The following SIGLEC6 variants were observed in gnomAD, a reference collection of about 807,000 sequenced individuals.
SIGLEC6 encodes the protein sialic acid binding Ig like lectin 6.
SIGLEC6 carries 31 observed loss-of-function variants against 41.4 expected under a neutral mutation model. The ratio of observed to expected loss-of-function variants is 0.75; its 90% CI spans 0.56 to 1.01. SIGLEC6 has a LOEUF of 1.01. SIGLEC6 is among the 50% of genes least tolerant of loss of function. The probability of loss-of-function intolerance (pLI) is 0.00; values close to 1 mark genes in which losing one functional copy is unlikely to be tolerated. For synonymous variants in SIGLEC6, 217 were observed against 231.0 expected (o/e 0.94, Z 0.55); for missense variants, 555 against 558.6 (o/e 0.99, Z 0.06).
At chr19:51,522,625 C>T (rs1219616038) in intron 7 of SIGLEC6, among the ~76,000 whole-genome samples, 1 of 146,442 alleles carries the variant, frequency 6.8e-6, no homozygotes, top group African/African-American at 2.5e-5. Flanking sequence ...ATCTCTAATC[C>T]CTAACCCACA....
At chr19:51,529,257 GTTTAAGTCGTGCACT>G (rs1979773315) in intron 5 of SIGLEC6, 1 of 170,112 alleles carries the variant, frequency 5.9e-6, no homozygotes, top group Non-Finnish European at 1.3e-5. Flanking sequence ...AATCCCTATT[GTTTAAGTCGTGCACT>G]TTGAATTACT....
intron 7 of SIGLEC6, among the ~76,000 whole-genome samples, chr19:51,520,861 A>G (rs995634300): frequency 1.3e-5 from 2 of 152,198 alleles, no homozygotes; most frequent in Admixed American, 6.5e-5. Context: ...ACACATCTAT[A>G]TAAATGCACC....
At chr19:51,528,570 C>A (rs1600030230) in intron 5 of SIGLEC6, 1 of 391,448 alleles carries the variant, frequency 2.6e-6, no homozygotes, top group South Asian at 2.8e-5. Context: ...TCCTAACCCC[C>A]AGCACCTCAG....
In SIGLEC6 at chr19:51,531,491, C is replaced by T; in HGVS notation, c.96G>A (p.Gln32=). Residue 32 remains glutamine (Q), a synonymous_variant, in exon 2 of 8, where the codon CAG becomes CAA. Coordinates refer to ENST00000425629, the MANE Select transcript of SIGLEC6 (RefSeq NM_001245.7). ...AGALAQERRF[Q]LEGPESLTVQ... is the part of the protein sequence containing the mutation. Reference sequence around the variant, plus strand: ...CCGTCAGTGACTCTGGCCCCTCCAGCTGGAATCTCCGCTCCTGAGCCAGGG... The same window carrying T: ...CCGTCAGTGACTCTGGCCCCTCCAGTTGGAATCTCCGCTCCTGAGCCAGGG... 3 of 1,613,842 alleles carry T rather than the reference C, an allele frequency of 1.9e-6. No individual in the cohort carries two copies. Among genetic ancestry groups the T allele is most frequent in the South Asian group, 2.2e-5 (2 of 91,068 alleles).
Position 51,531,475 on chromosome 19 carries a change from A to G in SIGLEC6, c.112T>C (p.Ser38Pro). The G allele has an allele frequency of 6.2e-7, 1 of 1,613,604 alleles. No individual in the cohort carries two copies. The highest frequency in any genetic ancestry group is 1.3e-5 in the African/African-American group (1 of 74,922). The stretch of plus-strand genomic sequence containing the variant: ...CACAGACCCTCCTGCACCGTCAGTG[A>G]CTCTGGCCCCTCCAGCTGGAATCTC... ...ERRFQLEGPE[S>P]LTVQEGLCVL... is the part of the protein sequence containing the mutation. The change falls in exon 2 of 8, where the codon TCA (serine) becomes CCA (proline). Residue 38 changes from serine (S) to proline (P), a missense_variant. Ser to Pro is a moderately conservative substitution (Grantham distance 74). Transcript: ENST00000425629.
chr19:51,529,690 G>A (rs973652078), intron 5 of SIGLEC6, 34 bp downstream of exon 5: 1 of 1,612,776 alleles, frequency 6.2e-7, no homozygotes, highest in Non-Finnish European at 8.5e-7. Flanking sequence ...TCGCCCAGCT[G>A]CCCACACTCT....
At chr19:51,523,152 AT>A (rs1978577952) in intron 7 of SIGLEC6, among the ~76,000 whole-genome samples, 1 of 152,158 alleles carries the variant, frequency 6.6e-6, no homozygotes, top group African/African-American at 2.4e-5. Flanking sequence ...GAAAAAAAAA[AT>A]AAACTGAATT....
intron 7 of SIGLEC6, among the ~76,000 whole-genome samples, chr19:51,520,907 A>G (rs17305017): frequency 0.022 from 3,389 of 152,320 alleles, 57 homozygotes; most frequent in Middle Eastern, 0.051. Flanking sequence ...ATTGTTGTGT[A>G]GGTCATGTGA....
chr19:51,531,134 G>C (rs761448662), intron 2 of SIGLEC6, 26 bp downstream of exon 2: 1 of 1,564,620 alleles, frequency 6.4e-7, no homozygotes, highest in East Asian at 2.2e-5. Flanking sequence ...CTTCCCCTGT[G>C]GCTAGTCCTG....
At position 51,524,528 on chromosome 19, in the gene SIGLEC6, T is replaced by C. The variant is rs2122350776; in HGVS notation, c.1188+3219A>G. ...GAGAATCACTAAGGATATAGAAGGA[T>C]TGAACACTAGTGTAAAATAACTTGA... On this transcript the variant is annotated intron_variant, in intron 7 of 7. Coordinates refer to ENST00000425629, the MANE Select transcript of SIGLEC6 (RefSeq NM_001245.7). 2.0e-5 allele frequency among the ~76,000 whole-genome samples: 3 copies of C among 152,284 alleles called. No individual in the cohort carries two copies. The South Asian group carries it at 6.2e-4, about 32-fold the overall frequency.
chr19:51,529,767 A>G lies in SIGLEC6; in HGVS notation c.969T>C (p.His323=). ...EEGDFTCRAQ[H]PLGSLQISLS... ...GAGAGATTTGCAGGGAGCCCAGAGGATGCTGAGCACGGCAGGTGAAATCTC... is the reference window on the plus strand; with the variant it reads ...GAGAGATTTGCAGGGAGCCCAGAGGGTGCTGAGCACGGCAGGTGAAATCTC... The change falls in exon 5 of 8, where the codon CAT becomes CAC. Residue 323 remains histidine (H), a synonymous_variant. Coordinates refer to ENST00000425629, the MANE Select transcript of SIGLEC6 (RefSeq NM_001245.7). 6.2e-7 allele frequency: 1 copy of G among 1,614,180 alleles called. No individual in the cohort carries two copies. Among genetic ancestry groups the G allele is most frequent in the Non-Finnish European group, 8.5e-7 (1 of 1,180,030 alleles).
At chr19:51,530,140 C>G (rs1271066203) in intron 4 of SIGLEC6, among the ~76,000 whole-genome samples, 159 bp from the exon 5 acceptor site, 2 of 152,170 alleles carry the variant, frequency 1.3e-5, no homozygotes, top group African/African-American at 4.8e-5. Context: ...CTGGAGCTGC[C>G]CAGGCTGTCC....
chr19:51,528,464 A>C, intron 5 of SIGLEC6: 1 of 579,478 alleles, frequency 1.7e-6, no homozygotes, highest in East Asian at 2.9e-5. Flanking sequence ...GCCCCCAGCC[A>C]CTCTTGTCTG....
rs749732404 is a variant in SIGLEC6, at chr19:51,520,208, A to G, written c.1236T>C (p.Ala412=). The G allele has an allele frequency of 1.2e-6, 2 of 1,606,790 alleles. No homozygotes were observed. The highest frequency in any genetic ancestry group is 4.5e-5 in the East Asian group (2 of 44,712). The change falls in exon 8 of 8, where the codon GCT becomes GCC. Residue 412 remains alanine, a synonymous_variant. Coordinates refer to ENST00000425629, the MANE Select transcript of SIGLEC6 (RefSeq NM_001245.7). ...FQTGIVSDHP[A]EAGPISEDEQ... ...CATCTTCTGAGATGGGGCCAGCCTC[A>G]GCAGGGTGGTCTGAAACTATGCCTG...
At chr19:51,530,363 C>T in intron 4 of SIGLEC6, 74 bp downstream of exon 4, 1 of 1,363,454 alleles carries the variant, frequency 7.3e-7, no homozygotes. Flanking sequence ...GTCCTGGCTT[C>T]TCATATTGAT....
intron 7 of SIGLEC6, among the ~76,000 whole-genome samples, chr19:51,526,048 G>A (rs1979174904): frequency 6.6e-6 from 1 of 152,188 alleles, no homozygotes; most frequent in Non-Finnish European, 1.5e-5. Context: ...CCCTGCTTGG[G>A]CCCACAGCAC....
chr19:51,521,176 C>T (rs545150840), intron 7 of SIGLEC6, among the ~76,000 whole-genome samples: 3 of 152,262 alleles, frequency 2.0e-5, no homozygotes, highest in African/African-American at 7.2e-5. Flanking sequence ...CTTTCTAATG[C>T]CCCTGAAAAC....
In SIGLEC6 at chr19:51,520,226, T is replaced by C. The variant is rs759870468; in HGVS notation, c.1218A>G (p.Ile406Met). The part of the protein sequence containing the change: ...RGHQHQFQTG[I>M]VSDHPAEAGP... ...CAGCCTCAGCAGGGTGGTCTGAAAC[T>C]ATGCCTGTCTGGAACTGGTGCTGAT... The change falls in exon 8 of 8, where the codon ATA becomes ATG. Residue 406 changes from isoleucine (I) to methionine (M), a missense_variant. By Grantham distance (10) the Ile-to-Met change is conservative. Transcript: ENST00000425629. The C allele has an allele frequency of 1.1e-5, 17 of 1,599,356 alleles. No individual in the cohort carries two copies. The highest frequency in any genetic ancestry group is 3.5e-4 in the Middle Eastern group (2 of 5,746).
chr19:51,528,048 C>T, intron 6 of SIGLEC6, 112 bp downstream of exon 6: 1 of 1,057,402 alleles, frequency 9.5e-7, no homozygotes, highest in Non-Finnish European at 1.4e-6. Context: ...TTTCCTCACT[C>T]TCGACTTTCC....
Sources: allele counts gnomAD v4.1 joint callset (sites outside exome capture counted in the v4.1 genomes callset), GRCh38; gene constraint gnomAD v4.1.1; transcripts MANE v1.5; gene names NCBI Gene and HGNC (gene_info 2026-07-23, HGNC 2026-07-21).